Variants in KCNH5 observed in about 807,000 individuals in gnomAD.
KCNH5 encodes the protein potassium voltage-gated channel subfamily H member 5, also known as voltage-gated delayed rectifier potassium channel KCNH5.
A neutral mutation model predicts 96.1 loss-of-function variants in KCNH5; 46 were observed. The ratio of observed to expected loss-of-function variants is 0.48; its 90% CI spans 0.38 to 0.61. KCNH5 has a LOEUF of 0.61. KCNH5 is among the 20% of genes least tolerant of loss of function. The pLI is 0.00. For missense variants in KCNH5, 907 were observed against 1,225.8 expected (o/e 0.74, Z 3.88); for synonymous variants, 439 against 449.8 (o/e 0.98, Z 0.30).
intron 1 of KCNH5, among the ~76,000 whole-genome samples, chr14:63,023,357 T>C (rs1891465267): frequency 6.6e-6 from 1 of 152,226 alleles, no homozygotes; most frequent in Non-Finnish European, 1.5e-5. Flanking sequence ...GTTGATTATA[T>C]GAATAAGCCA....
chr14:62,780,675 G>A (rs557496216), intron 9 of KCNH5, among the ~76,000 whole-genome samples: 1 of 152,214 alleles, frequency 6.6e-6, no homozygotes, highest in South Asian at 2.1e-4. Context: ...ACCCACTGGT[G>A]GCCTGAACTC....
rs143147156 is a variant in KCNH5, at chr14:62,707,823, C to T, written c.2652G>A (p.Pro884=). 9.9e-4 allele frequency: 1,601 copies of T among 1,614,104 alleles called. No individual in the cohort carries two copies. Among genetic ancestry groups the T allele is most frequent in the Non-Finnish European group, 1.2e-3 (1,467 of 1,180,024 alleles). ...CAGCCTGGATGGGACTGTGCTCTAG[C>T]GGACTTCGGGCCTCCCCAGCCTTAT... ...RLDKAGEARS[P]LEHSPIQADA... Residue 884 remains proline (P), a synonymous_variant, in exon 11 of 11, where the codon CCG becomes CCA. Transcript: ENST00000322893.
intron 7 of KCNH5, among the ~76,000 whole-genome samples, chr14:62,940,441 A>G (rs540768081): frequency 6.6e-6 from 1 of 152,344 alleles, no homozygotes; most frequent in South Asian, 2.1e-4. Context: ...CTCTGCCAGT[A>G]GCCTTTATCT....
Position 62,774,236 on chromosome 14 carries a change from G to C in KCNH5, c.2019+5492C>G, listed in dbSNP as rs181978080. Among the ~76,000 whole-genome samples, 40 of 151,748 alleles carry C rather than the reference G, an allele frequency of 2.6e-4. No homozygotes were observed. The East Asian group carries it at 7.5e-3, about 29-fold the overall frequency. On this transcript the variant is annotated intron_variant, in intron 10 of 10. Transcript: ENST00000322893. ...TTGGTGCTTCTGGTTTTGTACTGGAGATGGTCACAAAGGCATCTTTTCCTG... is the reference window on the plus strand; with the variant it reads ...TTGGTGCTTCTGGTTTTGTACTGGACATGGTCACAAAGGCATCTTTTCCTG...
At chr14:63,022,775 T>C (rs1891452394) in intron 1 of KCNH5, among the ~76,000 whole-genome samples, 1 of 152,192 alleles carries the variant, frequency 6.6e-6, no homozygotes, top group Admixed American at 6.5e-5. Context: ...CTTAACTCAA[T>C]TGACATGACC....
chr14:62,987,196 T>G lies in KCNH5; in HGVS notation c.434-9A>C, dbSNP rs1487461363. 1 of 1,593,512 alleles carries G rather than the reference T, an allele frequency of 6.3e-7. No homozygotes were observed. Among genetic ancestry groups the G allele is most frequent in the Non-Finnish European group, 8.6e-7 (1 of 1,161,848 alleles). On this transcript the variant is annotated splice_polypyrimidine_tract_variant and intron_variant, in intron 4 of 10. Transcript: ENST00000322893. ...GGCAAATTTCGTCCAACCTTAAAAATAAGGAAAGAAAGTCTCAGTTTTTCA... is the reference window on the plus strand; with the variant it reads ...GGCAAATTTCGTCCAACCTTAAAAAGAAGGAAAGAAAGTCTCAGTTTTTCA...
At chr14:62,908,498 T>G (rs559690474) in intron 7 of KCNH5, among the ~76,000 whole-genome samples, 1 of 152,244 alleles carries the variant, frequency 6.6e-6, no homozygotes, top group African/African-American at 2.4e-5. Flanking sequence ...TTGTTGAAAC[T>G]TAGAGGAAGA....
chr14:63,031,046 T>TG, intron 1 of KCNH5, among the ~76,000 whole-genome samples: 1 of 151,982 alleles, frequency 6.6e-6, no homozygotes, highest in Middle Eastern at 3.4e-3. Flanking sequence ...ACCCATCTTC[T>TG]GCTTTTCCTT....
At chr14:62,984,441 T>G (rs1890666926) in intron 5 of KCNH5, among the ~76,000 whole-genome samples, 1 of 152,168 alleles carries the variant, frequency 6.6e-6, no homozygotes, top group African/African-American at 2.4e-5. Flanking sequence ...GAGATCAAAT[T>G]TATCTGTCTT....
intron 9 of KCNH5, among the ~76,000 whole-genome samples, chr14:62,789,238 T>C (rs1204860983): frequency 6.6e-6 from 1 of 152,104 alleles, no homozygotes; most frequent in East Asian, 1.9e-4. Flanking sequence ...GGTTCATCCA[T>C]GCTGTGGCAA....
chr14:62,864,664 G>C lies in KCNH5; in HGVS notation c.1370-14812C>G, dbSNP rs1198056960. On this transcript the variant is annotated intron_variant, in intron 7 of 10. Transcript: ENST00000322893. ...TGTTTATCTAAAAAAGTAGTTTCTG[G>C]ATCAAATAAGTTTCATTAATGTTGC... Among the ~76,000 whole-genome samples, 4 of 152,104 alleles carry C rather than the reference G, an allele frequency of 2.6e-5. No individual in the cohort carries two copies. In the East Asian group the frequency reaches 7.7e-4, roughly 29 times the overall value.
chr14:62,781,527 G>T (rs1279711479), intron 9 of KCNH5, among the ~76,000 whole-genome samples: 1 of 152,140 alleles, frequency 6.6e-6, no homozygotes, highest in East Asian at 1.9e-4. Context: ...GACCGTAAGA[G>T]ACGGCCACGC....
intron 10 of KCNH5, among the ~76,000 whole-genome samples, chr14:62,744,056 T>G (rs1885326784): frequency 6.6e-6 from 1 of 152,210 alleles, no homozygotes; most frequent in Admixed American, 6.6e-5. Flanking sequence ...ATTGAAAGGC[T>G]TTATTAGTAA....
At chr14:62,718,748 T>C (rs1198052288) in intron 10 of KCNH5, among the ~76,000 whole-genome samples, 1 of 152,134 alleles carries the variant, frequency 6.6e-6, no homozygotes, top group Admixed American at 6.5e-5. Flanking sequence ...ACACAAAAAC[T>C]TGTACATGAA....
chr14:62,888,258 C>A (rs1888637843), intron 7 of KCNH5, among the ~76,000 whole-genome samples: 1 of 152,154 alleles, frequency 6.6e-6, no homozygotes, highest in South Asian at 2.1e-4. Flanking sequence ...ACTGAAAGTC[C>A]TGCACATACT....
At chr14:62,861,364 G>A (rs2140057191) in intron 7 of KCNH5, among the ~76,000 whole-genome samples, 1 of 151,680 alleles carries the variant, frequency 6.6e-6, no homozygotes, top group East Asian at 1.9e-4. Context: ...TGACCTCTCA[G>A]GCTCAAGCAA....
chr14:63,021,402 C>T (rs1436900155), intron 1 of KCNH5, among the ~76,000 whole-genome samples: 2 of 152,160 alleles, frequency 1.3e-5, no homozygotes, highest in African/African-American at 4.8e-5. Context: ...TTAGGTCAGT[C>T]TCTTCATTAT....
At chr14:62,845,063 T>C (rs1887663184) in intron 8 of KCNH5, among the ~76,000 whole-genome samples, 1 of 152,170 alleles carries the variant, frequency 6.6e-6, no homozygotes, top group East Asian at 1.9e-4. Context: ...ATATATTATA[T>C]TTCCTTTTAA....
At chr14:63,022,095 C>A (rs188137279) in intron 1 of KCNH5, among the ~76,000 whole-genome samples, 1 of 152,264 alleles carries the variant, frequency 6.6e-6, no homozygotes, top group East Asian at 1.9e-4. Flanking sequence ...CTTAAATGTG[C>A]TTCAGTATAA....
Sources: allele counts gnomAD v4.1 joint callset (sites outside exome capture counted in the v4.1 genomes callset), GRCh38; gene constraint gnomAD v4.1.1; transcripts MANE v1.5; gene names NCBI Gene and HGNC (gene_info 2026-07-23, HGNC 2026-07-21).